NRG3: variants seen among roughly 807,000 people sequenced by gnomAD.
The protein encoded by NRG3 is neuregulin 3, also known as pro-neuregulin-3, membrane-bound isoform.
Under a neutral mutation model 66.9 loss-of-function variants are expected in NRG3, and 31 were observed. The observed-to-expected ratio is 0.46, with a 90% CI of 0.35 to 0.63. NRG3 has a LOEUF of 0.63. Ranked by LOEUF, NRG3 falls within the 20% of genes least tolerant of loss-of-function variation. The pLI, the probability that NRG3 is intolerant of heterozygous loss-of-function variation, is 0.00. For synonymous variants in NRG3, 393 were observed against 359.4 expected, an observed-to-expected ratio of 1.09 and a Z score of -1.06; for missense variants, 910 against 878.9, an observed-to-expected ratio of 1.04 and a Z score of -0.45.
chr10:81,971,853 A>T (rs2059946063), intron 1 of NRG3, among the ~76,000 whole-genome samples: 1 of 152,240 alleles, frequency 6.6e-6, no homozygotes, highest in East Asian at 1.9e-4. Flanking sequence ...CTGTAGGTAG[A>T]TACATTATGA....
Position 81,970,290 on chromosome 10 carries a change from G to A in NRG3, c.823+94127G>A, listed in dbSNP as rs567982648. 5.3e-5 allele frequency among the ~76,000 whole-genome samples: 8 copies of A among 152,254 alleles called. No individual in the cohort carries two copies. In the South Asian group the frequency reaches 1.7e-3, roughly 32 times the overall value. ...TTTACTGGTAAATCAACATGTCAGA[G>A]AGATGTTATTTGTTACTGGCTCTGT... On this transcript the variant is annotated intron_variant, in intron 1 of 8. Transcript: ENST00000372141.
At chr10:82,623,809 A>G (rs944753808) in intron 2 of NRG3, among the ~76,000 whole-genome samples, 4 of 152,184 alleles carry the variant, frequency 2.6e-5, no homozygotes, top group Non-Finnish European at 4.4e-5. Context: ...CAAAAACCTC[A>G]GCTTCAGCCA....
At chr10:82,948,684 G>C (rs1849250282) in intron 4 of NRG3, among the ~76,000 whole-genome samples, 1 of 151,962 alleles carries the variant, frequency 6.6e-6, no homozygotes, top group African/African-American at 2.4e-5. Context: ...TATTGTAAAT[G>C]ACATTTTTGT....
chr10:82,410,060 C>T (rs1422870096), intron 2 of NRG3, among the ~76,000 whole-genome samples: 1 of 152,028 alleles, frequency 6.6e-6, no homozygotes, highest in Non-Finnish European at 1.5e-5. Context: ...TTCCTTCATA[C>T]CGTATTGTTG....
chr10:82,948,939 C>G (rs1482504192), intron 4 of NRG3, among the ~76,000 whole-genome samples: 1 of 152,048 alleles, frequency 6.6e-6, no homozygotes, highest in Non-Finnish European at 1.5e-5. Context: ...ACCTCTGGTA[C>G]AGTGTTGACC....
chr10:82,400,091 G>A (rs528302904), intron 2 of NRG3, among the ~76,000 whole-genome samples: 158 of 152,134 alleles, frequency 1.0e-3, no homozygotes, highest in African/African-American at 3.6e-3. Flanking sequence ...TAATTTAATC[G>A]CTAGAAAAAG....
chr10:82,896,191 A>G (rs737127), intron 4 of NRG3, among the ~76,000 whole-genome samples: 45,378 of 152,080 alleles, frequency 0.3, 7,112 homozygotes, highest in East Asian at 0.54. Context: ...CCTCTTCAAC[A>G]TGTGAGTTGT....
At chr10:82,597,251 G>A (rs974935080) in intron 2 of NRG3, among the ~76,000 whole-genome samples, 1 of 152,124 alleles carries the variant, frequency 6.6e-6, no homozygotes, top group Non-Finnish European at 1.5e-5. Flanking sequence ...GAAGGATTTG[G>A]CAATATACAT....
At chr10:82,790,485 G>T (rs763407292) in intron 3 of NRG3, among the ~76,000 whole-genome samples, 6 of 151,756 alleles carry the variant, frequency 4.0e-5, no homozygotes, top group African/African-American at 1.2e-4. Context: ...TCCTTTTTTC[G>T]ATACCTTTAC....
intron 1 of NRG3, among the ~76,000 whole-genome samples, chr10:82,311,289 A>G (rs2081012437): frequency 6.6e-6 from 1 of 152,172 alleles, no homozygotes; most frequent in South Asian, 2.1e-4. Context: ...ATTTCTATTA[A>G]ATGTCTATAC....
chr10:82,630,816 T>TACA (rs1249409168), intron 2 of NRG3, among the ~76,000 whole-genome samples: 1 of 152,218 alleles, frequency 6.6e-6, no homozygotes, highest in Non-Finnish European at 1.5e-5. Context: ...CTTAAATAGA[T>TACA]ACACATTAAC....
intron 2 of NRG3, among the ~76,000 whole-genome samples, chr10:82,390,209 TCAAAAGGC>T: frequency 6.6e-6 from 1 of 152,204 alleles, no homozygotes; most frequent in African/African-American, 2.4e-5. Flanking sequence ...TGATCCATTT[TCAAAAGGC>T]CATCTCTGAA....
intron 1 of NRG3, among the ~76,000 whole-genome samples, chr10:81,948,255 A>T (rs1484681493): frequency 1.3e-5 from 2 of 152,172 alleles, no homozygotes; most frequent in Admixed American, 6.6e-5. Context: ...GAGATTTCCT[A>T]TACAGCCCCT....
chr10:82,076,788 T>C (rs2065116567), intron 1 of NRG3, among the ~76,000 whole-genome samples: 1 of 152,224 alleles, frequency 6.6e-6, no homozygotes, highest in Non-Finnish European at 1.5e-5. Flanking sequence ...GCTGACACTG[T>C]GCTTCTCATA....
At chr10:81,975,813 A>G (rs985447314) in intron 1 of NRG3, among the ~76,000 whole-genome samples, 1 of 152,202 alleles carries the variant, frequency 6.6e-6, no homozygotes, top group African/African-American at 2.4e-5. Flanking sequence ...GATAAAGAGA[A>G]TATCTTGCAT....
At chr10:81,939,741 T>C (rs1053615352) in intron 1 of NRG3, among the ~76,000 whole-genome samples, 5 of 151,740 alleles carry the variant, frequency 3.3e-5, no homozygotes, top group Non-Finnish European at 1.5e-5. Context: ...TGTTGATTTT[T>C]TCCTATTGTG....
intron 2 of NRG3, among the ~76,000 whole-genome samples, chr10:82,548,360 A>C (rs1386933130): frequency 6.6e-6 from 1 of 151,978 alleles, no homozygotes; most frequent in African/African-American, 2.4e-5. Context: ...GACAAGGGTT[A>C]TTTCTTTCCG....
chr10:82,758,506 A>G (rs1489710112), intron 3 of NRG3, among the ~76,000 whole-genome samples: 7 of 152,130 alleles, frequency 4.6e-5, no homozygotes, highest in Admixed American at 4.6e-4. Flanking sequence ...GAATAAATGT[A>G]TGACATCTCA....
chr10:82,563,764 ACT>A (rs2045210288), intron 2 of NRG3, among the ~76,000 whole-genome samples: 1 of 151,956 alleles, frequency 6.6e-6, no homozygotes, highest in Admixed American at 6.6e-5. Flanking sequence ...TTTAAAATCT[ACT>A]CTTTTAGCAA....
Sources: allele counts gnomAD v4.1 joint callset (sites outside exome capture counted in the v4.1 genomes callset), GRCh38; gene constraint gnomAD v4.1.1; transcripts MANE v1.5; gene names NCBI Gene and HGNC (gene_info 2026-07-23, HGNC 2026-07-21).